Variants in PCSK5 observed in about 807,000 individuals in gnomAD.
PCSK5 encodes prohormone convertase 5.
In PCSK5, 129 loss-of-function variants were observed where a neutral mutation model predicts 233.2. The ratio of observed to expected loss-of-function variants is 0.55; its 90% CI spans 0.48 to 0.64. The LOEUF is 0.64. Ranked by LOEUF, PCSK5 falls within the 30% of genes least tolerant of loss-of-function variation. The pLI is 0.00. For synonymous variants in PCSK5, 825 were observed against 879.2 expected (o/e 0.94, Z 1.09); for missense variants, 2,076 against 2,430.1 (o/e 0.85, Z 3.06).
At chr9:76,281,169 A>C (rs10121762) in intron 24 of PCSK5, among the ~76,000 whole-genome samples, 24,598 of 152,174 alleles carry the variant, frequency 0.16, 3,290 homozygotes, top group African/African-American at 0.37. Flanking sequence ...ATGGAGGTTA[A>C]TATAGCAAAC....
chr9:76,194,903 A>ACTGT (rs1318751368), intron 20 of PCSK5: 2 of 283,086 alleles, frequency 7.1e-6, no homozygotes, highest in Non-Finnish European at 1.5e-5. Context: ...GGAGAGGAAT[A>ACTGT]CTATCAACAT....
At chr9:75,985,585 G>A in intron 2 of PCSK5, among the ~76,000 whole-genome samples, 1 of 152,020 alleles carries the variant, frequency 6.6e-6, no homozygotes. Context: ...AGTAAGTCAG[G>A]AATTATAAAC....
chr9:76,310,153 TAGG>T (rs902823227), intron 29 of PCSK5, among the ~76,000 whole-genome samples: 8 of 150,642 alleles, frequency 5.3e-5, no homozygotes, highest in African/African-American at 2.0e-4. Flanking sequence ...GAGGCTGAAG[TAGG>T]AGAATCGCTT....
At chr9:76,254,975 G>A (rs1333014062) in intron 24 of PCSK5, among the ~76,000 whole-genome samples, 3 of 152,214 alleles carry the variant, frequency 2.0e-5, no homozygotes, top group Non-Finnish European at 4.4e-5. Flanking sequence ...GGAGTGAGGT[G>A]TGGGCATCAG....
chr9:76,183,413 C>T (rs1352022989), intron 16 of PCSK5, among the ~76,000 whole-genome samples: 1 of 152,198 alleles, frequency 6.6e-6, no homozygotes, highest in Non-Finnish European at 1.5e-5. Context: ...GTAATAATTA[C>T]TGCCAACACA....
intron 35 of PCSK5, among the ~76,000 whole-genome samples, chr9:76,344,986 C>CT (rs1173453786): frequency 6.6e-6 from 1 of 151,870 alleles, no homozygotes; most frequent in Non-Finnish European, 1.5e-5. Context: ...TTTTTTTCAA[C>CT]TTTTATTTTA....
chr9:76,088,303 C>T (rs1831146266), intron 7 of PCSK5, among the ~76,000 whole-genome samples: 1 of 152,200 alleles, frequency 6.6e-6, no homozygotes, highest in Non-Finnish European at 1.5e-5. Context: ...TGTTGCTTTC[C>T]ATTGGTAAGC....
chr9:76,271,162 A>G (rs1827499696), intron 24 of PCSK5, among the ~76,000 whole-genome samples: 1 of 152,036 alleles, frequency 6.6e-6, no homozygotes, highest in African/African-American at 2.4e-5. Context: ...GGTAATAATC[A>G]CACCTCTCCC....
chr9:76,347,791 T>C (rs1830017653), intron 35 of PCSK5, among the ~76,000 whole-genome samples: 1 of 151,702 alleles, frequency 6.6e-6, no homozygotes, highest in Non-Finnish European at 1.5e-5. Context: ...AAAGAAAATG[T>C]AACCAACCTT....
intron 2 of PCSK5, among the ~76,000 whole-genome samples, chr9:75,959,812 C>T (rs181986471): frequency 1.3e-5 from 2 of 152,326 alleles, no homozygotes; most frequent in East Asian, 3.9e-4. Context: ...CTGGGCACAA[C>T]ACTGTGCTTA....
intron 12 of PCSK5, among the ~76,000 whole-genome samples, chr9:76,161,419 A>C (rs1384993079): frequency 1.3e-5 from 2 of 151,330 alleles, no homozygotes; most frequent in Non-Finnish European, 1.5e-5. Flanking sequence ...TGGTTACCGA[A>C]GCTAGGGAAG....
intron 2 of PCSK5, among the ~76,000 whole-genome samples, chr9:75,951,578 C>T (rs1014009189): frequency 6.6e-6 from 1 of 152,108 alleles, no homozygotes; most frequent in African/African-American, 2.4e-5. Flanking sequence ...TACCCTGTAG[C>T]TTTTCAACAG....
At chr9:76,266,315 C>T (rs1394874642) in intron 24 of PCSK5, among the ~76,000 whole-genome samples, 1 of 152,168 alleles carries the variant, frequency 6.6e-6, no homozygotes, top group Non-Finnish European at 1.5e-5. Flanking sequence ...ATGAAGTAAA[C>T]AGTCCATTGT....
chr9:76,028,462 G>A (rs2131499285), intron 5 of PCSK5, among the ~76,000 whole-genome samples: 1 of 152,240 alleles, frequency 6.6e-6, no homozygotes, highest in East Asian at 1.9e-4. Flanking sequence ...AGTGCTGATT[G>A]GTCAGGCTGG....
At chr9:76,167,197 C>A (rs1254581689) in intron 12 of PCSK5, among the ~76,000 whole-genome samples, 1 of 151,706 alleles carries the variant, frequency 6.6e-6, no homozygotes, top group Non-Finnish European at 1.5e-5. Flanking sequence ...GTGCCACGCT[C>A]CTCTATTTCG....
chr9:75,987,626 C>T (rs978258401), intron 3 of PCSK5, among the ~76,000 whole-genome samples: 4 of 152,034 alleles, frequency 2.6e-5, no homozygotes, highest in African/African-American at 9.7e-5. Context: ...CAGAATTTTA[C>T]ACAGAAATTT....
At chr9:76,134,336 CTTGA>C in intron 10 of PCSK5, 124 bp downstream of exon 10, 1 of 582,654 alleles carries the variant, frequency 1.7e-6, no homozygotes, top group Non-Finnish European at 3.0e-6. Flanking sequence ...AAACAAAGAG[CTTGA>C]TCTTTTAGTA....
chr9:75,926,253 A>G (rs1295769964), intron 1 of PCSK5, among the ~76,000 whole-genome samples: 2 of 151,754 alleles, frequency 1.3e-5, no homozygotes. Flanking sequence ...TTGAGGTATA[A>G]TTTACATATC....
chr9:75,980,593 A>C (rs534066327), intron 2 of PCSK5, among the ~76,000 whole-genome samples: 1 of 152,332 alleles, frequency 6.6e-6, no homozygotes, highest in African/African-American at 2.4e-5. Flanking sequence ...AATAAACAGA[A>C]TTTAAACGAT....
Sources: gnomAD v4.1 joint callset for allele counts (sites outside exome capture counted in the v4.1 genomes callset) on GRCh38, gnomAD v4.1.1 for gene constraint, MANE v1.5 for transcripts, NCBI Gene and HGNC (gene_info 2026-07-23, HGNC 2026-07-21) for gene names.